Variants in HHIPL1 observed in about 807,000 individuals in gnomAD.
The protein encoded by HHIPL1 is HHIP like 1.
Under a neutral mutation model 61.8 loss-of-function variants are expected in HHIPL1, and 43 were observed. The observed-to-expected ratio is 0.70, with a 90% CI of 0.55 to 0.90. The LOEUF is 0.90. Ranked by LOEUF, HHIPL1 falls within the 40% of genes least tolerant of loss-of-function variation. The pLI is 0.00. For missense variants in HHIPL1, 1,056 were observed against 1,157.7 expected, an observed-to-expected ratio of 0.91 and a Z score of 1.28; for synonymous variants, 482 against 515.8, an observed-to-expected ratio of 0.93 and a Z score of 0.89.
chr14:99,659,794 C>A, intron 4 of HHIPL1, 38 bp downstream of exon 4: 1 of 1,343,212 alleles, frequency 7.4e-7, no homozygotes, highest in Non-Finnish European at 9.5e-7. Flanking sequence ...GCCCCGAATC[C>A]GCCCCCACCC....
rs920627594 is a variant in HHIPL1, at chr14:99,668,803, C to T, written c.1730+500C>T. 1.6e-5 allele frequency: 25 copies of T among 1,611,386 alleles called. No individual in the cohort carries two copies. In the African/African-American group the frequency reaches 2.9e-4, roughly 19 times the overall value. On this transcript the variant is annotated intron_variant, in intron 7 of 8. Coordinates refer to ENST00000330710, the MANE Select transcript of HHIPL1 (RefSeq NM_001127258.3). This position sits in a 1 kb window ranked among gnomAD's most constrained non-coding sequence, Gnocchi z 4.7. ...GAAAACACATTGGGGCTCCCTTCGCCGGCTCCATCTCCCCGGCTTCCCTTC... is the reference window on the plus strand; with the variant it reads ...GAAAACACATTGGGGCTCCCTTCGCTGGCTCCATCTCCCCGGCTTCCCTTC...
At chr14:99,612,124 C>T in the HHIPL1 span, among the ~76,000 whole-genome samples, 3 of 152,272 alleles carry the variant, frequency 2.0e-5, no homozygotes, top group South Asian at 2.1e-4. Context: ...CTCACAGTTC[C>T]GCGTGGCCAG....
chr14:99,652,136 G>A (rs1450420851), intron 1 of HHIPL1, 88 bp from the exon 2 acceptor site: 3 of 1,234,972 alleles, frequency 2.4e-6, no homozygotes, highest in African/African-American at 1.5e-5. Context: ...GCAGACTGAG[G>A]CTCTGAGAGA....
At chr14:99,606,265 ACT>A in the HHIPL1 span, among the ~76,000 whole-genome samples, 1 of 152,144 alleles carries the variant, frequency 6.6e-6, no homozygotes, top group Non-Finnish European at 1.5e-5. Flanking sequence ...CCTCTGAGGC[ACT>A]GCTCTGCTGG....
rs1353931368 is a variant in HHIPL1, at chr14:99,677,348, GTGGGAGTGCCAGCCTGGC to G, written c.*1728_*1745del. ...CGGTGTGCTGGGGCTCCTGCCTGGTGTGGGAGTGCCAGCCTGGCTGGGAAGCAGCTGATGGAGATCCCT... is the reference window on the plus strand; with the variant it reads ...CGGTGTGCTGGGGCTCCTGCCTGGTGTGGGAAGCAGCTGATGGAGATCCCT... On this transcript the variant is annotated 3_prime_UTR_variant, in exon 9 of 9. Coordinates refer to ENST00000330710, the MANE Select transcript of HHIPL1 (RefSeq NM_001127258.3). The surrounding 1 kb of genome is among the most constrained non-coding windows in gnomAD (Gnocchi z 4.3). 2.0e-5 allele frequency: 3 copies of G among 152,338 alleles called. No homozygotes were observed. Among genetic ancestry groups the G allele is most frequent in the Admixed American group, 1.3e-4 (2 of 15,290 alleles). The allele number at this position is 152,338 out of a possible 1,614,324, so 9.4% of individuals were successfully genotyped here. A position where few individuals can be genotyped will look rare whatever the true frequency, so the allele number is the denominator to read the frequency against.
At chr14:99,616,806 A>G in the HHIPL1 span, among the ~76,000 whole-genome samples, 1 of 152,188 alleles carries the variant, frequency 6.6e-6, no homozygotes, top group Non-Finnish European at 1.5e-5. Context: ...ATTGCCTTTA[A>G]AATCTGGGGG....
chr14:99,652,609 A>C lies in HHIPL1; in HGVS notation c.641A>C (p.Gln214Pro). ...ACCCACCGCTTCTTCGTGGCCGAGC[A>C]GGTGGGGCTGGTGTGGGCCTACCTG... ...DGTHRFFVAE[Q>P]VGLVWAYLPD... Residue 214 changes from glutamine (Q) to proline (P), a missense_variant, in exon 2 of 9, where the codon CAG becomes CCG. Transcript: ENST00000330710. 1.2e-6 allele frequency: 2 copies of C among 1,613,466 alleles called. No individual in the cohort carries two copies. Among genetic ancestry groups the C allele is most frequent in the Non-Finnish European group, 1.7e-6 (2 of 1,179,810 alleles).
At chr14:99,623,781 C>A in the HHIPL1 span, among the ~76,000 whole-genome samples, 3 of 152,106 alleles carry the variant, frequency 2.0e-5, no homozygotes, top group Non-Finnish European at 4.4e-5. Context: ...CCAGACTCCC[C>A]TCCCGAGCCT....
the HHIPL1 span, among the ~76,000 whole-genome samples, chr14:99,631,106 T>TTCTC: frequency 2.2e-3 from 268 of 121,538 alleles, 3 homozygotes; most frequent in Non-Finnish European, 4.1e-3. Flanking sequence ...CTTTCTTTCT[T>TTCTC]TCTCTCTCTT....
intron 1 of HHIPL1, among the ~76,000 whole-genome samples, chr14:99,646,441 G>C (rs2055834984): frequency 6.6e-6 from 1 of 152,250 alleles, no homozygotes; most frequent in Non-Finnish European, 1.5e-5. Flanking sequence ...CACTTCCCCA[G>C]CTTCGTGACC....
At position 99,660,967 on chromosome 14, in the gene HHIPL1, A is replaced by G. The variant is rs1482993591; in HGVS notation, c.1502+561A>G. 6.6e-6 allele frequency among the ~76,000 whole-genome samples: 1 copy of G among 152,070 alleles called. No individual in the cohort carries two copies. The highest frequency in any genetic ancestry group is 1.9e-4 in the East Asian group (1 of 5,174). On this transcript the variant is annotated intron_variant, in intron 5 of 8. Coordinates refer to ENST00000330710, the MANE Select transcript of HHIPL1 (RefSeq NM_001127258.3). The surrounding 1 kb of genome is among the most constrained non-coding windows in gnomAD (Gnocchi z 4.9). ...GGAGGTGGGGCTCTTGTGGCCTTGG[A>G]GCCTTGCTGCCCTGCCCCCGTGCTC... is the stretch of plus-strand genomic sequence containing the variant.
the HHIPL1 span, among the ~76,000 whole-genome samples, chr14:99,605,369 AGGCGGGGCGG>A: frequency 3.9e-5 from 3 of 76,660 alleles, no homozygotes; most frequent in African/African-American, 1.2e-4. Flanking sequence ...TACCGCCAGC[AGGCGGGGCGG>A]GGCGGGGCGG....
chr14:99,643,344 A>C (rs1222057819), upstream of HHIPL1, among the ~76,000 whole-genome samples: 8 of 152,158 alleles, frequency 5.3e-5, no homozygotes, highest in Non-Finnish European at 4.4e-5. Context: ...CCGGCTCCTG[A>C]CTGTGACTTT....
chr14:99,661,023 G>A (rs1409304746), intron 5 of HHIPL1, among the ~76,000 whole-genome samples: 2 of 152,176 alleles, frequency 1.3e-5, no homozygotes, highest in Non-Finnish European at 2.9e-5. Context: ...CTGAGACCCT[G>A]CTGTGGGAGG....
chr14:99,645,252 C>T lies in HHIPL1; in HGVS notation c.45C>T (p.Leu15=). 2.9e-6 allele frequency: 4 copies of T among 1,380,184 alleles called. No homozygotes were observed. The highest frequency in any genetic ancestry group is 3.3e-5 in the Admixed American group (1 of 30,416). 85.5% of individuals were successfully genotyped at this position (1,380,184 alleles called of 1,614,324 possible). ...RAGALLALWV[L]GAAAHPQCLD... ...GGGCGCTGCTGGCGCTTTGGGTGCT[C>T]GGGGCCGCCGCGCATCCGCAGTGCC... The change falls in exon 1 of 9, where the codon CTC becomes CTT. Residue 15 remains leucine, a synonymous_variant. Coordinates refer to ENST00000330710, the MANE Select transcript of HHIPL1 (RefSeq NM_001127258.3).
intron 6 of HHIPL1, among the ~76,000 whole-genome samples, chr14:99,667,321 C>CG (rs2056261494): frequency 6.8e-6 from 1 of 147,736 alleles, no homozygotes; most frequent in African/African-American, 2.5e-5. Context: ...CTCTGAGCCT[C>CG]TTTTTTTTTT....
At chr14:99,637,204 GAAA>G in the HHIPL1 span, among the ~76,000 whole-genome samples, 2 of 47,186 alleles carry the variant, frequency 4.2e-5, no homozygotes, top group African/African-American at 1.7e-4. Flanking sequence ...AAGAAAGGAA[GAAA>G]GAAAGAAAGA....
At chr14:99,607,687 G>A in the HHIPL1 span, among the ~76,000 whole-genome samples, 2 of 152,054 alleles carry the variant, frequency 1.3e-5, no homozygotes. Context: ...CTTCTCTATG[G>A]TTGGGGCTGT....
At position 99,646,803 on chromosome 14, in the gene HHIPL1, ATATG is replaced by A. The variant is rs1566804724; in HGVS notation, c.255+1342_255+1345del. ...ATATAATATAATATAATATGATATGATATGATATGATATGATATGATATGATATG... is the reference window on the plus strand; with the variant it reads ...ATATAATATAATATAATATGATATGAATATGATATGATATGATATGATATG... On this transcript the variant is annotated intron_variant, in intron 1 of 8. Coordinates refer to ENST00000330710, the MANE Select transcript of HHIPL1 (RefSeq NM_001127258.3). Among the ~76,000 whole-genome samples, 6 of 43,572 alleles carry A rather than the reference ATATG, an allele frequency of 1.4e-4. No individual in the cohort carries two copies. In the South Asian group the frequency reaches 2.4e-3, roughly 17 times the overall value. The allele number at this position is 43,572 out of a possible 152,430, so 28.6% of individuals were successfully genotyped here.
Sources: allele counts gnomAD v4.1 joint callset (sites outside exome capture counted in the v4.1 genomes callset), GRCh38; gene constraint gnomAD v4.1.1; non-coding constraint Gnocchi (gnomAD v3.1); transcripts MANE v1.5; gene names NCBI Gene and HGNC (gene_info 2026-07-23, HGNC 2026-07-21).